The following GRIP1 variants were observed in gnomAD, a reference collection of about 807,000 sequenced individuals.
GRIP1 encodes glutamate receptor-interacting protein 1.
In GRIP1, 45 loss-of-function variants were observed where a neutral mutation model predicts 129.9. That is an observed-to-expected ratio of 0.35 (90% CI 0.27 to 0.44). GRIP1 has a LOEUF of 0.44. GRIP1 is among the 20% of genes least tolerant of loss of function. The pLI, the probability that GRIP1 is intolerant of heterozygous loss-of-function variation, is 1.00. For synonymous variants in GRIP1, 530 were observed against 520.8 expected (o/e 1.02, Z -0.24); for missense variants, 1,196 against 1,396.8 (o/e 0.86, Z 2.29).
intron 19 of GRIP1, among the ~76,000 whole-genome samples, chr12:66,387,854 C>G (rs546359105): frequency 2.0e-5 from 3 of 152,280 alleles, no homozygotes; most frequent in Non-Finnish European, 4.4e-5. Context: ...CTGTGCTATC[C>G]TCTGTATGAT....
intron 1 of GRIP1, chr12:66,647,337 T>A (rs1257709830): frequency 6.6e-6 from 1 of 152,224 alleles, no homozygotes; most frequent in East Asian, 1.9e-4. Flanking sequence ...CCCTTTGAAA[T>A]TTAGGTGGAC....
At position 66,514,209 on chromosome 12, in the gene GRIP1, A is replaced by C. The variant is rs962849483; in HGVS notation, c.724+1410T>G. ...AGCAGGGACCAGGTCTATTTTGTTC[A>C]CCTTCTTCCTGGTCCCTGCCATTTA... On this transcript the variant is annotated intron_variant, in intron 7 of 24. Transcript: ENST00000359742. 5.3e-5 allele frequency among the ~76,000 whole-genome samples: 8 copies of C among 152,118 alleles called. No homozygotes were observed. The South Asian group carries it at 1.7e-3, about 31-fold the overall frequency.
rs558258382 is a variant in GRIP1, at chr12:66,391,961, T to C, written c.2464+347A>G. 5.9e-5 allele frequency among the ~76,000 whole-genome samples: 9 copies of C among 152,296 alleles called. No homozygotes were observed. In the South Asian group the frequency reaches 1.9e-3, roughly 32 times the overall value. On this transcript the variant is annotated intron_variant, in intron 19 of 24. Coordinates refer to ENST00000359742, the MANE Select transcript of GRIP1 (RefSeq NM_001366722.1). ...CCCCAATCCATCTTTGTGGAAAGCT[T>C]GCTGAAAAATAAGGCAATGGGGCCT...
chr12:66,528,222 C>T (rs2061329887), intron 5 of GRIP1, among the ~76,000 whole-genome samples: 1 of 147,210 alleles, frequency 6.8e-6, no homozygotes, highest in African/African-American at 2.5e-5. Flanking sequence ...GCAAGCTCCA[C>T]CTCCCGGGTT....
chr12:66,727,523 T>A (rs1462325648), intron 1 of GRIP1, among the ~76,000 whole-genome samples: 1 of 152,152 alleles, frequency 6.6e-6, no homozygotes, highest in Non-Finnish European at 1.5e-5. Flanking sequence ...GCTGCCCCAG[T>A]CATCCCACAG....
Position 66,455,517 on chromosome 12 carries a change from T to C in GRIP1, c.1246A>G (p.Ser416Gly), listed in dbSNP as rs778090068. Residue 416 changes from serine (S) to glycine (G), a missense_variant, in exon 11 of 25, where the codon AGC becomes GGC. By Grantham distance (56) the Ser-to-Gly change is moderately conservative (BLOSUM62 0). Coordinates refer to ENST00000359742, the MANE Select transcript of GRIP1 (RefSeq NM_001366722.1). Reference protein sequence around the residue: ...SFSPTSMSAYSLSSLNMGTLP... With the variant: ...SFSPTSMSAYGLSSLNMGTLP... ...GTCCCCATGTTCAGGGAACTCAGGC[T>C]GTATGCACTCATGGAGGTAGGAGAG... 5.6e-6 allele frequency: 9 copies of C among 1,613,998 alleles called. No individual in the cohort carries two copies. The highest frequency in any genetic ancestry group is 7.6e-6 in the Non-Finnish European group (9 of 1,179,834).
intron 7 of GRIP1, among the ~76,000 whole-genome samples, chr12:66,502,471 A>G (rs989035323): frequency 1.3e-5 from 2 of 152,092 alleles, no homozygotes; most frequent in African/African-American, 4.8e-5. Context: ...GAATACCTCT[A>G]ATATCATTTG....
In GRIP1 at chr12:66,432,516, A is replaced by C. The variant is rs557015163; in HGVS notation, c.1768+32T>G. 19 of 1,320,524 alleles carry C rather than the reference A, an allele frequency of 1.4e-5. No homozygotes were observed. The South Asian group carries it at 1.9e-4, about 13-fold the overall frequency. 81.8% of individuals were successfully genotyped at this position (1,320,524 alleles called of 1,614,324 possible). On this transcript the variant is annotated intron_variant, in intron 14 of 24. Transcript: ENST00000359742. ...ACAACACAGTTTTCTAATGCCTTTA[A>C]AAATTATTTAAAAGAAATAACTTCT... is the stretch of plus-strand genomic sequence containing the variant.
intron 2 of GRIP1, among the ~76,000 whole-genome samples, chr12:66,563,015 A>AGAG (rs1298400490): frequency 1.3e-4 from 20 of 151,966 alleles, no homozygotes; most frequent in Non-Finnish European, 7.4e-5. Flanking sequence ...AGGAGAAGGA[A>AGAG]GAGGAGGGTT....
chr12:66,588,910 A>G (rs1425882925), intron 2 of GRIP1, among the ~76,000 whole-genome samples: 1 of 151,762 alleles, frequency 6.6e-6, no homozygotes, highest in African/African-American at 2.4e-5. Flanking sequence ...TGGAGGTTGC[A>G]GTGAGCTGAG....
At chr12:66,501,806 A>G (rs1344323171) in intron 7 of GRIP1, among the ~76,000 whole-genome samples, 2 of 152,184 alleles carry the variant, frequency 1.3e-5, no homozygotes, top group Non-Finnish European at 2.9e-5. Flanking sequence ...ATTTTAACCA[A>G]CTTCCCATTA....
intron 4 of GRIP1, 112 bp downstream of exon 4, chr12:66,538,966 T>G: frequency 2.4e-6 from 2 of 850,224 alleles, no homozygotes; most frequent in South Asian, 2.9e-5. Context: ...TAAGTATGTA[T>G]GTATAGAAAA....
rs369761723 is a variant in GRIP1 at position 66,605,449 on chromosome 12, A to T, written c.56-8522T>A. On this transcript the variant is annotated intron_variant, in intron 1 of 24. Transcript: ENST00000359742. ...AGCTGCTAGAATGAAGTCAAGACTG[A>T]TGGGAAAACAAGCAGCAGCAAAATG... is the stretch of plus-strand genomic sequence containing the variant. 2.6e-4 allele frequency among the ~76,000 whole-genome samples: 40 copies of T among 152,280 alleles called. 1 individual carries two copies. Among genetic ancestry groups the T allele is most frequent in the African/African-American group, 8.9e-4 (37 of 41,568 alleles).
intron 1 of GRIP1, among the ~76,000 whole-genome samples, chr12:66,636,753 G>T (rs142440060): frequency 3.0e-5 from 4 of 133,932 alleles, no homozygotes; most frequent in Non-Finnish European, 6.7e-5. Context: ...GTGTGTGTGT[G>T]TCTCACTCTC....
chr12:66,568,129 G>C (rs1423870583), intron 2 of GRIP1: 2 of 276,344 alleles, frequency 7.2e-6, no homozygotes, highest in Non-Finnish European at 1.5e-5. Context: ...CATTGTTTTT[G>C]GAAACCCAGG....
chr12:66,737,201 A>C (rs1028793557), intron 1 of GRIP1, among the ~76,000 whole-genome samples: 2 of 152,056 alleles, frequency 1.3e-5, no homozygotes, highest in African/African-American at 4.8e-5. Flanking sequence ...GTTCACTGTG[A>C]CTGACTCGTT....
chr12:66,472,245 C>A (rs550337942), intron 7 of GRIP1, among the ~76,000 whole-genome samples: 2 of 152,272 alleles, frequency 1.3e-5, no homozygotes, highest in East Asian at 3.9e-4. Flanking sequence ...TTACTAACTG[C>A]CAACTATATG....
At chr12:66,379,013 A>T (rs1300990128) in intron 20 of GRIP1, among the ~76,000 whole-genome samples, 2 of 152,156 alleles carry the variant, frequency 1.3e-5, no homozygotes, top group African/African-American at 4.8e-5. Flanking sequence ...TAAGGAAGGG[A>T]GTGCAAAGTT....
intron 1 of GRIP1, among the ~76,000 whole-genome samples, chr12:66,908,244 A>G (rs896809050): frequency 6.6e-6 from 1 of 152,166 alleles, no homozygotes; most frequent in Non-Finnish European, 1.5e-5. Context: ...AGTGCAGAAC[A>G]CAGCTTTTTT....
Sources: allele counts gnomAD v4.1 joint callset (sites outside exome capture counted in the v4.1 genomes callset), GRCh38; gene constraint gnomAD v4.1.1; transcripts MANE v1.5; gene names NCBI Gene and HGNC (gene_info 2026-07-23, HGNC 2026-07-21).